The following GNAL variants were observed in gnomAD, a reference collection of about 807,000 sequenced individuals.
The protein encoded by GNAL is G protein subunit alpha L.
A neutral mutation model predicts 55.1 loss-of-function variants in GNAL; 18 were observed. The observed-to-expected ratio is 0.33, with a 90% CI of 0.23 to 0.48. The LOEUF is 0.48. Among genes scored for constraint, GNAL ranks in the 20% least tolerant of loss-of-function variants. The pLI is 0.99. For missense variants in GNAL, 412 were observed against 614.1 expected, an observed-to-expected ratio of 0.67 and a Z score of 3.48; for synonymous variants, 253 against 237.0, an observed-to-expected ratio of 1.07 and a Z score of -0.62.
At chr18:11,812,427 GAATT>G (rs1341096191) in intron 4 of GNAL, among the ~76,000 whole-genome samples, 2 of 152,150 alleles carry the variant, frequency 1.3e-5, no homozygotes, top group African/African-American at 4.8e-5. Context: ...GATCTTGAGA[GAATT>G]AATATGTGAA....
At chr18:11,840,357 G>A (rs1361998565) in intron 5 of GNAL, among the ~76,000 whole-genome samples, 1 of 152,216 alleles carries the variant, frequency 6.6e-6, no homozygotes, top group African/African-American at 2.4e-5. Context: ...GATACATGCA[G>A]TGACTAAATA....
At chr18:11,695,061 G>A (rs2031367399) in intron 1 of GNAL, among the ~76,000 whole-genome samples, 1 of 151,918 alleles carries the variant, frequency 6.6e-6, no homozygotes. Flanking sequence ...GGGGGGTTAG[G>A]GCTTCAACAT....
intron 4 of GNAL, among the ~76,000 whole-genome samples, chr18:11,785,042 G>C (rs1245915982): frequency 6.6e-6 from 1 of 152,182 alleles, no homozygotes; most frequent in Non-Finnish European, 1.5e-5. Flanking sequence ...TTTAGTTTCT[G>C]CAAAGTCTGG....
intron 11 of GNAL, 21 bp from the exon 12 acceptor site, chr18:11,880,968 T>A (rs770453790): frequency 6.2e-7 from 1 of 1,611,324 alleles, no homozygotes; most frequent in Non-Finnish European, 8.5e-7. Context: ...GCAGGGCTAG[T>A]GCACACGCTC....
intron 4 of GNAL, among the ~76,000 whole-genome samples, chr18:11,784,048 T>C (rs1038714474): frequency 3.3e-5 from 5 of 152,206 alleles, no homozygotes; most frequent in Admixed American, 3.3e-4. Context: ...GCTCTCAGGG[T>C]GAGTGTCCCT....
intron 4 of GNAL, among the ~76,000 whole-genome samples, chr18:11,791,021 T>G (rs2034221870): frequency 6.6e-6 from 1 of 152,052 alleles, no homozygotes; most frequent in South Asian, 2.1e-4. Context: ...AAACTACTAT[T>G]TAGGATTTAC....
chr18:11,691,693 C>T (rs996769951), intron 1 of GNAL, among the ~76,000 whole-genome samples: 8 of 152,056 alleles, frequency 5.3e-5, no homozygotes, highest in Non-Finnish European at 1.2e-4. Context: ...AGCCAGTTTT[C>T]CCAGCATCAT....
At chr18:11,703,795 G>GTGCGCA (rs1555641028) in intron 1 of GNAL, among the ~76,000 whole-genome samples, 2 of 141,410 alleles carry the variant, frequency 1.4e-5, no homozygotes, top group African/African-American at 5.3e-5. Context: ...GTGTTGATGG[G>GTGCGCA]CACACACACA....
At chr18:11,825,983 C>T (rs1033844286) in intron 5 of GNAL, among the ~76,000 whole-genome samples, 1 of 152,112 alleles carries the variant, frequency 6.6e-6, no homozygotes, top group African/African-American at 2.4e-5. Flanking sequence ...AAAAATTTTA[C>T]ATTTTAAATC....
intron 4 of GNAL, among the ~76,000 whole-genome samples, chr18:11,790,661 CTTTTTTTTTTT>C (rs397941591): frequency 2.8e-5 from 2 of 71,450 alleles, no homozygotes; most frequent in African/African-American, 7.6e-5. Context: ...CTTTTTTTTT[CTTTTTTTTTTT>C]TTTTGAGACA....
chr18:11,720,162 A>G (rs1300691944), intron 1 of GNAL, among the ~76,000 whole-genome samples: 1 of 152,210 alleles, frequency 6.6e-6, no homozygotes, highest in African/African-American at 2.4e-5. Flanking sequence ...CTAGACCAAG[A>G]GTTAGCAGAC....
At chr18:11,779,326 G>A (rs538168336) in intron 4 of GNAL, among the ~76,000 whole-genome samples, 1 of 152,290 alleles carries the variant, frequency 6.6e-6, no homozygotes, top group South Asian at 2.1e-4. Flanking sequence ...TGGCAAATAG[G>A]CATTATCTGT....
intron 4 of GNAL, among the ~76,000 whole-genome samples, chr18:11,767,451 C>G (rs1403742439): frequency 6.6e-6 from 1 of 151,648 alleles, no homozygotes; most frequent in African/African-American, 2.4e-5. Flanking sequence ...CACAGTTGCT[C>G]TCTGTGCACC....
chr18:11,846,970 AATAT>A (rs919421734), intron 5 of GNAL, among the ~76,000 whole-genome samples: 1 of 151,788 alleles, frequency 6.6e-6, no homozygotes, highest in African/African-American at 2.4e-5. Flanking sequence ...TGCAGAGGAA[AATAT>A]ATATATACAT....
At chr18:11,799,633 A>G (rs1207272263) in intron 4 of GNAL, among the ~76,000 whole-genome samples, 2 of 152,178 alleles carry the variant, frequency 1.3e-5, no homozygotes, top group Non-Finnish European at 2.9e-5. Context: ...TCACTGGAGT[A>G]TTTCAAATTT....
chr18:11,812,797 C>T (rs746491429), intron 4 of GNAL, among the ~76,000 whole-genome samples: 12 of 151,316 alleles, frequency 7.9e-5, no homozygotes, highest in Non-Finnish European at 1.3e-4. Context: ...GAGCCGAGCT[C>T]GCACCACTGC....
intron 4 of GNAL, among the ~76,000 whole-genome samples, chr18:11,796,913 T>G (rs530425552): frequency 6.6e-6 from 1 of 152,294 alleles, no homozygotes; most frequent in Admixed American, 6.5e-5. Context: ...ACATGTAGCT[T>G]TTTACAGCTC....
intron 1 of GNAL, among the ~76,000 whole-genome samples, chr18:11,708,118 G>A (rs933784450): frequency 6.6e-6 from 1 of 152,148 alleles, no homozygotes; most frequent in African/African-American, 2.4e-5. Flanking sequence ...CCTTCAAGAA[G>A]TCTCTCTTGG....
intron 4 of GNAL, among the ~76,000 whole-genome samples, chr18:11,815,959 A>C (rs113895490): frequency 1.2e-3 from 187 of 152,364 alleles, no homozygotes; most frequent in African/African-American, 4.3e-3. Context: ...AATAATTAAA[A>C]TTAAGAAAAT....
Sources: allele counts gnomAD v4.1 joint callset (sites outside exome capture counted in the v4.1 genomes callset), GRCh38; gene constraint gnomAD v4.1.1; transcripts MANE v1.5; gene names NCBI Gene and HGNC (gene_info 2026-07-23, HGNC 2026-07-21).